ARSB: variants seen among roughly 807,000 people sequenced by gnomAD.
ARSB encodes N-acetylgalactosamine-4-sulfatase.
A neutral mutation model predicts 50.9 loss-of-function variants in ARSB; 41 were observed. The observed-to-expected ratio is 0.81, with a 90% CI of 0.63 to 1.04. ARSB has a LOEUF of 1.04. ARSB is among the 50% of genes least tolerant of loss of function. ARSB has a pLI of 0.00. For synonymous variants in ARSB, 269 were observed against 284.8 expected (o/e 0.94, Z 0.56); for missense variants, 672 against 693.3 (o/e 0.97, Z 0.35).
chr5:78,818,686 C>T (rs1385966705), intron 6 of ARSB, among the ~76,000 whole-genome samples: 4 of 130,962 alleles, frequency 3.1e-5, no homozygotes, highest in Non-Finnish European at 6.2e-5. Flanking sequence ...ATCTCAATCT[C>T]GGCTCACTGC....
intron 4 of ARSB, among the ~76,000 whole-genome samples, chr5:78,919,949 G>A (rs1480188229): frequency 1.3e-5 from 2 of 152,210 alleles, no homozygotes. Context: ...TGAATTCAGA[G>A]CACTGGCTGG....
At chr5:78,925,046 A>T (rs905417935) in intron 4 of ARSB, among the ~76,000 whole-genome samples, 1 of 152,196 alleles carries the variant, frequency 6.6e-6, no homozygotes, top group Non-Finnish European at 1.5e-5. Flanking sequence ...CATATCTCCA[A>T]GGAAGAGGCT....
At chr5:78,791,748 C>G (rs1749241047) in intron 6 of ARSB, among the ~76,000 whole-genome samples, 1 of 152,170 alleles carries the variant, frequency 6.6e-6, no homozygotes, top group Non-Finnish European at 1.5e-5. Flanking sequence ...AATCGTGGAC[C>G]TAAAAATAGT....
chr5:78,946,025 C>G (rs1435280056), intron 4 of ARSB, among the ~76,000 whole-genome samples: 2 of 152,174 alleles, frequency 1.3e-5, no homozygotes, highest in Non-Finnish European at 2.9e-5. Context: ...CCTAAGGGAG[C>G]AATATGTCCC....
intron 4 of ARSB, among the ~76,000 whole-genome samples, chr5:78,943,454 C>T (rs1333653475): frequency 6.6e-6 from 1 of 152,180 alleles, no homozygotes. Flanking sequence ...CCTTCAGGAG[C>T]TCTTGCAGGG....
At position 78,899,192 on chromosome 5, in the gene ARSB, A is replaced by C. The variant is rs73126657; in HGVS notation, c.899-13365T>G. Among the ~76,000 whole-genome samples the C allele has an allele frequency of 7.9e-3, 1,201 of 152,260 alleles. 20 individuals are homozygous for C. The highest frequency in any genetic ancestry group is 0.028 in the African/African-American group (1,149 of 41,522). On this transcript the variant is annotated intron_variant, in intron 4 of 7. Coordinates refer to ENST00000264914, the MANE Select transcript of ARSB (RefSeq NM_000046.5). ...AGTAATCCGTTGCCACATGAATTAG[A>C]GCTACTTTACGTGTTATTTGCTTCT...
chr5:78,858,070 G>A (rs1332452793), intron 5 of ARSB, among the ~76,000 whole-genome samples: 2 of 152,154 alleles, frequency 1.3e-5, no homozygotes. Context: ...TGGGTTTGGA[G>A]CTCAGGCAGA....
intron 5 of ARSB, among the ~76,000 whole-genome samples, chr5:78,873,787 A>G (rs10474002): frequency 0.02 from 3,093 of 152,138 alleles, 48 homozygotes; most frequent in Non-Finnish European, 0.034. Flanking sequence ...GAGCCACCGC[A>G]CCCGGCCTAA....
intron 5 of ARSB, among the ~76,000 whole-genome samples, chr5:78,875,035 C>T (rs1236805769): frequency 6.6e-6 from 1 of 152,126 alleles, no homozygotes; most frequent in Non-Finnish European, 1.5e-5. Context: ...ATTGCTTGAG[C>T]CCAGGAGGCA....
At chr5:78,893,256 T>C (rs565116038) in intron 4 of ARSB, among the ~76,000 whole-genome samples, 5 of 152,300 alleles carry the variant, frequency 3.3e-5, no homozygotes, top group East Asian at 1.9e-4. Context: ...GTGAGTCCAT[T>C]AAACCTTTTT....
intron 3 of ARSB, among the ~76,000 whole-genome samples, chr5:78,957,636 C>T (rs965931938): frequency 6.6e-6 from 1 of 152,166 alleles, no homozygotes; most frequent in Non-Finnish European, 1.5e-5. Context: ...GACACCATTT[C>T]AGTTCTGCCT....
At chr5:78,844,022 C>T (rs1316159204) in intron 5 of ARSB, among the ~76,000 whole-genome samples, 4 of 152,044 alleles carry the variant, frequency 2.6e-5, no homozygotes, top group Non-Finnish European at 4.4e-5. Flanking sequence ...CATTCATGTA[C>T]AATTTTTTGT....
Position 78,964,508 on chromosome 5 carries a change from C to T in ARSB, c.598G>A (p.Glu200Lys), listed in dbSNP as rs775002729. 3.7e-6 allele frequency: 6 copies of T among 1,613,992 alleles called. No individual in the cohort carries two copies. The highest frequency in any genetic ancestry group is 2.2e-5 in the South Asian group (2 of 91,078). ...TTTTTATATCCTGTTGCAACTTCTTCGCCATCTCGAAAATCAAGAGCACAT... is the reference window on the plus strand; with the variant it reads ...TTTTTATATCCTGTTGCAACTTCTTTGCCATCTCGAAAATCAAGAGCACAT... ...TRCALDFRDG[E>K]EVATGYKNMY... The change falls in exon 3 of 8, where the codon GAA becomes AAA. Residue 200 changes from glutamate (E) to lysine (K), a missense_variant. Transcript: ENST00000264914.
rs1214688534 is a variant in ARSB, at chr5:78,870,323, C to A, written c.1142+15261G>T. Among the ~76,000 whole-genome samples the A allele has an allele frequency of 4.1e-4, 34 of 82,874 alleles. 14 individuals are homozygous for A. The highest frequency in any genetic ancestry group is 5.8e-4 in the Non-Finnish European group (23 of 39,964). 54.4% of individuals were successfully genotyped at this position (82,874 alleles called of 152,430 possible). A position where few individuals can be genotyped will look rare whatever the true frequency, so the allele number is the denominator to read the frequency against. ...TCCCTAACTCATTTTATGAGTCCAGCATCATCCTGATACCAAAGCCAGGCA... is the reference window on the plus strand; with the variant it reads ...TCCCTAACTCATTTTATGAGTCCAGAATCATCCTGATACCAAAGCCAGGCA... On this transcript the variant is annotated intron_variant, in intron 5 of 7. Coordinates refer to ENST00000264914, the MANE Select transcript of ARSB (RefSeq NM_000046.5).
At chr5:78,937,284 GAT>G (rs1173086407) in intron 4 of ARSB, among the ~76,000 whole-genome samples, 76 of 102,718 alleles carry the variant, frequency 7.4e-4, no homozygotes, top group African/African-American at 2.5e-3. Flanking sequence ...ATATATGTAA[GAT>G]ATATATATGT....
intron 6 of ARSB, among the ~76,000 whole-genome samples, chr5:78,788,138 TAAAC>T: frequency 6.6e-6 from 1 of 152,274 alleles, no homozygotes; most frequent in Non-Finnish European, 1.5e-5. Context: ...GAGAGAAGTA[TAAAC>T]AAACAAATTT....
intron 5 of ARSB, among the ~76,000 whole-genome samples, chr5:78,860,705 A>C (rs546975619): frequency 7.7e-4 from 117 of 152,196 alleles, no homozygotes; most frequent in African/African-American, 2.7e-3. Flanking sequence ...AAAAGAACTA[A>C]AGAAGCAAGA....
intron 6 of ARSB, among the ~76,000 whole-genome samples, chr5:78,785,009 AG>A (rs1420187666): frequency 6.6e-6 from 1 of 152,072 alleles, no homozygotes; most frequent in Non-Finnish European, 1.5e-5. Context: ...CATGTTGGCC[AG>A]GCTGGTCTGG....
At chr5:78,780,733 CTG>C (rs1358361684) in intron 7 of ARSB, 71 bp from the exon 8 acceptor site, 4 of 1,583,726 alleles carry the variant, frequency 2.5e-6, no homozygotes, top group Non-Finnish European at 3.5e-6. Context: ...GGGAAGGAGT[CTG>C]AGGCCAAGGC....
Sources: allele counts gnomAD v4.1 joint callset (sites outside exome capture counted in the v4.1 genomes callset), GRCh38; gene constraint gnomAD v4.1.1; transcripts MANE v1.5; gene names NCBI Gene and HGNC (gene_info 2026-07-23, HGNC 2026-07-21).